MEIS2: variants seen among roughly 807,000 people sequenced by gnomAD.
The protein encoded by MEIS2 is Meis homeobox 2.
Under a neutral mutation model 58.6 loss-of-function variants are expected in MEIS2, and 9 were observed. That is an observed-to-expected ratio of 0.15 (90% confidence interval 0.09 to 0.27). The LOEUF is 0.27. Ranked by LOEUF, MEIS2 falls within the 10% of genes least tolerant of loss-of-function variation. MEIS2 has a pLI of 1.00. For missense variants in MEIS2, 427 were observed against 635.0 expected (o/e 0.67, Z 3.52); for synonymous variants, 221 against 228.4 (o/e 0.97, Z 0.29).
chr15:37,085,832 T>A (rs1045468377), intron 6 of MEIS2, among the ~76,000 whole-genome samples: 1 of 152,026 alleles, frequency 6.6e-6, no homozygotes, highest in African/African-American at 2.4e-5. Flanking sequence ...ACCACTCCAA[T>A]AGTTTCAAGC....
chr15:37,003,936 T>C (rs946430330), intron 8 of MEIS2, among the ~76,000 whole-genome samples: 1 of 152,212 alleles, frequency 6.6e-6, no homozygotes, highest in Non-Finnish European at 1.5e-5. Flanking sequence ...GCCAGCACCA[T>C]CATCTTGGAC....
chr15:36,989,855 C>T (rs2060211429), intron 8 of MEIS2, among the ~76,000 whole-genome samples: 1 of 152,166 alleles, frequency 6.6e-6, no homozygotes, highest in East Asian at 1.9e-4. Context: ...TAGCAACATG[C>T]CAGCTTACTT....
At chr15:36,982,958 A>G (rs1183069364) in intron 8 of MEIS2, among the ~76,000 whole-genome samples, 1 of 152,068 alleles carries the variant, frequency 6.6e-6, no homozygotes, top group East Asian at 1.9e-4. Flanking sequence ...CTTTGGAAAA[A>G]TGTCTATTCC....
intron 8 of MEIS2, among the ~76,000 whole-genome samples, chr15:36,962,904 A>G (rs374185272): frequency 2.6e-5 from 4 of 152,372 alleles, no homozygotes. Context: ...TACTATTTGT[A>G]TGTATGTACC....
chr15:37,010,097 T>C (rs894706952), intron 8 of MEIS2, among the ~76,000 whole-genome samples: 1 of 152,076 alleles, frequency 6.6e-6, no homozygotes, highest in African/African-American at 2.4e-5. Context: ...TTTTGTTTTG[T>C]TTTGTTTTGA....
chr15:36,892,253 T>A lies in MEIS2; in HGVS notation c.1354A>T (p.Met452Leu). Residue 452 changes from methionine to leucine, a missense_variant, in exon 12 of 12, where the codon ATG becomes TTG. Transcript: ENST00000561208. ...AACATTGTGGGGCTCTGTGCTGACA[T>A]AGTCATTCCAGGGTGGGTAGGGGGT... ...GGPPTHPGMT[M>L]SAQSPTMLNS... 6.2e-7 allele frequency: 1 copy of A among 1,614,130 alleles called. No homozygotes were observed. Among genetic ancestry groups the A allele is most frequent in the Non-Finnish European group, 8.5e-7 (1 of 1,180,018 alleles).
intron 7 of MEIS2, among the ~76,000 whole-genome samples, chr15:37,053,497 G>A (rs911910200): frequency 1.3e-5 from 2 of 152,056 alleles, no homozygotes; most frequent in African/African-American, 4.8e-5. Context: ...ATAACTGTCC[G>A]ATTTACCTTA....
intron 9 of MEIS2, among the ~76,000 whole-genome samples, chr15:36,939,819 C>T (rs918819786): frequency 2.6e-5 from 4 of 152,068 alleles, no homozygotes; most frequent in African/African-American, 9.7e-5. Context: ...TTTATAATAT[C>T]TAAAATTCTG....
At chr15:36,992,180 T>C in intron 8 of MEIS2, among the ~76,000 whole-genome samples, 1 of 152,122 alleles carries the variant, frequency 6.6e-6, no homozygotes, top group Admixed American at 6.5e-5. Flanking sequence ...TTAAACTTTT[T>C]GGTCTGCCAG....
intron 8 of MEIS2, among the ~76,000 whole-genome samples, chr15:36,998,279 T>C (rs2141587965): frequency 8.1e-6 from 1 of 123,942 alleles, no homozygotes; most frequent in Middle Eastern, 5.6e-3. Flanking sequence ...CTTTGTCACC[T>C]AGGCTGGAGT....
chr15:36,900,379 A>G (rs148876630), intron 9 of MEIS2, among the ~76,000 whole-genome samples: 1 of 152,278 alleles, frequency 6.6e-6, no homozygotes, highest in East Asian at 1.9e-4. Flanking sequence ...TTTGTATTGA[A>G]CACAAAGTTA....
chr15:37,066,398 C>T (rs1349665091), intron 7 of MEIS2: 1 of 152,092 alleles, frequency 6.6e-6, no homozygotes, highest in Non-Finnish European at 1.5e-5. Flanking sequence ...ACCTTTTATG[C>T]AAAAGGTAAA....
intron 9 of MEIS2, among the ~76,000 whole-genome samples, chr15:36,902,136 C>T (rs541693549): frequency 8.4e-4 from 128 of 152,288 alleles, no homozygotes; most frequent in African/African-American, 2.9e-3. Flanking sequence ...AGCACAATGC[C>T]TGGCACATAG....
chr15:36,915,242 A>T (rs2057224372), intron 9 of MEIS2, among the ~76,000 whole-genome samples: 1 of 150,870 alleles, frequency 6.6e-6, no homozygotes, highest in South Asian at 2.1e-4. Flanking sequence ...TGTTATTAAG[A>T]TTTTTATTTT....
intron 9 of MEIS2, among the ~76,000 whole-genome samples, chr15:36,920,981 A>C (rs578229600): frequency 1.3e-5 from 2 of 152,266 alleles, no homozygotes; most frequent in Non-Finnish European, 2.9e-5. Flanking sequence ...CAGAAGGGCC[A>C]GGAAAAAACA....
intron 8 of MEIS2, among the ~76,000 whole-genome samples, chr15:36,951,787 G>A (rs2058756849): frequency 6.6e-6 from 1 of 152,022 alleles, no homozygotes; most frequent in Non-Finnish European, 1.5e-5. Flanking sequence ...CACTTTTTTG[G>A]CTAGGGCCTC....
At chr15:36,918,089 A>C (rs937188362) in intron 9 of MEIS2, among the ~76,000 whole-genome samples, 5 of 152,190 alleles carry the variant, frequency 3.3e-5, no homozygotes, top group Non-Finnish European at 7.3e-5. Flanking sequence ...TCAGGAAGTA[A>C]ATAGAGAAGA....
intron 7 of MEIS2, among the ~76,000 whole-genome samples, chr15:37,041,336 G>C (rs576463056): frequency 1.3e-5 from 2 of 152,286 alleles, no homozygotes; most frequent in South Asian, 4.1e-4. Context: ...ATAAAGCACA[G>C]AGAACATCCC....
At chr15:36,975,655 T>C (rs1315284907) in intron 8 of MEIS2, among the ~76,000 whole-genome samples, 1 of 152,096 alleles carries the variant, frequency 6.6e-6, no homozygotes, top group Admixed American at 6.6e-5. Flanking sequence ...GTTTTTGTTT[T>C]TACTTCCAAC....
Sources: gnomAD v4.1 joint callset for allele counts (sites outside exome capture counted in the v4.1 genomes callset) on GRCh38, gnomAD v4.1.1 for gene constraint, MANE v1.5 for transcripts, NCBI Gene and HGNC (gene_info 2026-07-23, HGNC 2026-07-21) for gene names.